SBK2: variants seen among roughly 807,000 people sequenced by gnomAD.
SBK2 encodes the protein SH3 domain binding kinase family member 2.
Under a neutral mutation model 15.9 loss-of-function variants are expected in SBK2, and 18 were observed. The ratio of observed to expected loss-of-function variants is 1.13; its 90% CI spans 0.78 to 1.68. The LOEUF (loss-of-function observed/expected upper bound fraction) is 1.68. SBK2 is among the 40% of genes most tolerant of loss of function. The pLI, the probability that SBK2 is intolerant of heterozygous loss-of-function variation, is 0.00. For missense variants in SBK2, 581 were observed against 510.9 expected (o/e 1.14, Z -1.32); for synonymous variants, 284 against 246.8 (o/e 1.15, Z -1.41).
In SBK2 at chr19:55,536,263, G is replaced by A. The variant is rs757259487; in HGVS notation, c.32C>T (p.Ala11Val). The change falls in exon 2 of 4, where the codon GCG (alanine) becomes GTG (valine). Residue 11 changes from alanine to valine, a missense_variant. Physicochemically the swap from Ala to Val is moderately conservative, Grantham distance 64 (BLOSUM62 0). Transcript: ENST00000413299. Reference protein sequence around the residue: MPGKQSEEGPAEAGASEDSEE... With the variant: MPGKQSEEGPVEAGASEDSEE... ...GCTGTCCTCCGAAGCCCCTGCCTCC[G>A]CCGGCCCTTCCTCAGACTGTTTGCC... is the stretch of plus-strand genomic sequence containing the variant. The A allele has an allele frequency of 6.3e-6, 10 of 1,594,426 alleles. No individual in the cohort carries two copies. Among genetic ancestry groups the A allele is most frequent in the African/African-American group, 4.0e-5 (3 of 74,332 alleles).
chr19:55,536,126 C>A lies in SBK2; in HGVS notation c.169G>T (p.Glu57Ter). ...ACTTCCTCGTAGAGCTCGTCCACCTCGGCTCGGACCAGGGTCTGAGCACTC... is the reference window on the plus strand; with the variant it reads ...ACTTCCTCGTAGAGCTCGTCCACCTAGGCTCGGACCAGGGTCTGAGCACTC... Reference protein sequence around the residue: ...TLSAQTLVRAEVDELYEEVRP... With the variant: ...TLSAQTLVRA The change falls in exon 2 of 4, where the codon GAG becomes TAG. Residue 57 changes from glutamate (E) to a stop codon, truncating the protein, a stop_gained. Coordinates refer to ENST00000413299, the MANE Select transcript of SBK2 (RefSeq NM_001370096.2). LOFTEE classifies it high-confidence loss of function. 6.4e-7 allele frequency: 1 copy of A among 1,563,336 alleles called. No homozygotes were observed. Among genetic ancestry groups the A allele is most frequent in the Non-Finnish European group, 8.7e-7 (1 of 1,153,074 alleles).
intron 2 of SBK2, among the ~76,000 whole-genome samples, 173 bp from the exon 3 acceptor site, chr19:55,531,518 G>T (rs1359531969): frequency 6.6e-6 from 1 of 152,150 alleles, no homozygotes; most frequent in Non-Finnish European, 1.5e-5. Flanking sequence ...TAACAGCATG[G>T]CCACCCAAGC....
At chr19:55,532,680 A>C (rs890066990) in intron 2 of SBK2, among the ~76,000 whole-genome samples, 4 of 148,246 alleles carry the variant, frequency 2.7e-5, no homozygotes, top group East Asian at 2.0e-4. Context: ...GGCTCACTGC[A>C]ACCTCCGCCT....
intron 2 of SBK2, among the ~76,000 whole-genome samples, chr19:55,534,475 G>A (rs528046178): frequency 4.2e-4 from 64 of 152,062 alleles, no homozygotes; most frequent in African/African-American, 1.5e-3. Context: ...TTGGGAGGCT[G>A]AGGCAGGAGG....
At chr19:55,533,467 G>A (rs1309596126) in intron 2 of SBK2, among the ~76,000 whole-genome samples, 1 of 151,550 alleles carries the variant, frequency 6.6e-6, no homozygotes, top group Non-Finnish European at 1.5e-5. Context: ...GGCCAAAATG[G>A]TGAAATCCCA....
intron 2 of SBK2, among the ~76,000 whole-genome samples, chr19:55,534,598 T>A (rs898849926): frequency 2.0e-5 from 3 of 148,908 alleles, no homozygotes; most frequent in African/African-American, 7.5e-5. Flanking sequence ...TCTCAGCTAC[T>A]TGCAGAGCTG....
Position 55,529,994 on chromosome 19 carries a change from G to A in SBK2, c.786C>T (p.Pro262=). ...CGGCCTCGGCCAGGGGCCGGTCCCA[G>A]GGGAAGTAGCCCGTGAGGAGGCAGA... ...LLFCLLTGYF[P]WDRPLAEADP... Residue 262 remains proline, a synonymous_variant, in exon 4 of 4, where the codon CCC becomes CCT. Coordinates refer to ENST00000413299, the MANE Select transcript of SBK2 (RefSeq NM_001370096.2). The A allele has an allele frequency of 1.3e-6, 2 of 1,525,350 alleles. No individual in the cohort carries two copies. The highest frequency in any genetic ancestry group is 1.8e-6 in the Non-Finnish European group (2 of 1,138,494). 94.5% of individuals were successfully genotyped at this position (1,525,350 alleles called of 1,614,324 possible).
chr19:55,534,680 C>CTGGA (rs1287143909), intron 2 of SBK2, among the ~76,000 whole-genome samples: 1 of 123,254 alleles, frequency 8.1e-6, no homozygotes, highest in Non-Finnish European at 1.6e-5. Flanking sequence ...GCACTCCAGC[C>CTGGA]TGGACAACAG....
rs1328415916 is a variant in SBK2 at position 55,529,126 on chromosome 19, G to T, written c.*607C>A. ...AAGTTAAAAATTAGCCTAGCGTGGTGGCGCATGCCTGTAGTCCCAGCTACT... is the reference window on the plus strand; with the variant it reads ...AAGTTAAAAATTAGCCTAGCGTGGTTGCGCATGCCTGTAGTCCCAGCTACT... On this transcript the variant is annotated 3_prime_UTR_variant, in exon 4 of 4. Transcript: ENST00000413299. Among the ~76,000 whole-genome samples the T allele has an allele frequency of 6.6e-6, 1 of 152,172 alleles. No homozygotes were observed. The highest frequency in any genetic ancestry group is 2.4e-5 in the African/African-American group (1 of 41,432).
At position 55,535,997 on chromosome 19, in the gene SBK2, C is replaced by T. The variant is rs372973559; in HGVS notation, c.253+45G>A. On this transcript the variant is annotated intron_variant, in intron 2 of 3. Coordinates refer to ENST00000413299, the MANE Select transcript of SBK2 (RefSeq NM_001370096.2). ...CCTGGGCTACCCCAGGCCCGTGCCC[C>T]GCCCCCAGCTGAACCCTGCCACCTC... is the stretch of plus-strand genomic sequence containing the variant. 4.4e-5 allele frequency: 63 copies of T among 1,421,330 alleles called. No individual in the cohort carries two copies. The Middle Eastern group carries it at 5.7e-4, about 13-fold the overall frequency. The allele number at this position is 1,421,330 out of a possible 1,614,324, so 88.0% of individuals were successfully genotyped here.
In SBK2 at chr19:55,530,309, C is replaced by T; in HGVS notation, c.471G>A (p.Gln157=). ...AFIQPKVGLP[Q]PAVHRCAAQL... Reference sequence around the variant, plus strand: ...GGGCGGCGCAGCGGTGCACCGCGGGCTGCGGGAGGCCCACCTGCGGGGAGA... The same window carrying T: ...GGGCGGCGCAGCGGTGCACCGCGGGTTGCGGGAGGCCCACCTGCGGGGAGA... The change falls in exon 4 of 4, where the codon CAG becomes CAA. Residue 157 remains glutamine, a synonymous_variant. Coordinates refer to ENST00000413299, the MANE Select transcript of SBK2 (RefSeq NM_001370096.2). 7.1e-7 allele frequency: 1 copy of T among 1,411,918 alleles called. No individual in the cohort carries two copies. Among genetic ancestry groups the T allele is most frequent in the Non-Finnish European group, 9.2e-7 (1 of 1,083,814 alleles). The allele number at this position is 1,411,918 out of a possible 1,614,324, so 87.5% of individuals were successfully genotyped here. A position where few individuals can be genotyped will look rare whatever the true frequency, so the allele number is the denominator to read the frequency against.
Position 55,536,067 on chromosome 19 carries a change from G to C in SBK2, c.228C>G (p.Val76=). 1 of 1,495,010 alleles carries C rather than the reference G, an allele frequency of 6.7e-7. No homozygotes were observed. The highest frequency in any genetic ancestry group is 9.0e-7 in the Non-Finnish European group (1 of 1,115,466). The allele number at this position is 1,495,010 out of a possible 1,614,324, so 92.6% of individuals were successfully genotyped here. A position where few individuals can be genotyped will look rare whatever the true frequency, so the allele number is the denominator to read the frequency against. Residue 76 remains valine (V), a synonymous_variant, in exon 2 of 4, where the codon GTC becomes GTG. Transcript: ENST00000413299. ...RPLGQGCYGR[V]LLVTHRQKGT... is the part of the protein sequence containing the mutation. ...CTTTCTGACGATGGGTGACCAGAAG[G>C]ACGCGGCCATAGCAACCCTGGCCCA...
Position 55,530,264 on chromosome 19 carries a change from C to G in SBK2, c.516G>C (p.Glu172Asp). The G allele has an allele frequency of 1.3e-6, 2 of 1,491,598 alleles. No homozygotes were observed. The highest frequency in any genetic ancestry group is 2.6e-5 in the South Asian group (2 of 76,852). The allele number at this position is 1,491,598 out of a possible 1,614,324, so 92.4% of individuals were successfully genotyped here. ...ACACCAGGCCGCGGGCGTGGATGTA[C>G]TCCAGGGCGGAGGCCAGCTGGGCGG... ...RCAAQLASAL[E>D]YIHARGLVYR... is the part of the protein sequence containing the mutation. The change falls in exon 4 of 4, where the codon GAG becomes GAC. Residue 172 changes from glutamate (E) to aspartate (D), a missense_variant. Coordinates refer to ENST00000413299, the MANE Select transcript of SBK2 (RefSeq NM_001370096.2).
chr19:55,529,874 C>G lies in SBK2; in HGVS notation c.906G>C (p.Ala302=), dbSNP rs776498314. 1.3e-6 allele frequency: 2 copies of G among 1,592,318 alleles called. No individual in the cohort carries two copies. Among genetic ancestry groups the G allele is most frequent in the East Asian group, 4.5e-5 (2 of 44,224 alleles). ...PWFGLAAAAD[A]LLRGLLDPHP... ...GAGGGTCCAGCAGCCCCCGCAGAAG[C>G]GCGTCGGCCGCGGCGGCCAGGCCGA... The change falls in exon 4 of 4, where the codon GCG becomes GCC. Residue 302 remains alanine, a synonymous_variant. Transcript: ENST00000413299.
In SBK2 at chr19:55,530,296, G is replaced by C. The variant is rs115705351; in HGVS notation, c.484C>G (p.Arg162Gly). The C allele has an allele frequency of 7.6e-4, 1,086 of 1,431,386 alleles. 10 individuals carry two copies. The African/African-American group carries it at 0.015, about 19-fold the overall frequency. The allele number at this position is 1,431,386 out of a possible 1,614,324, so 88.7% of individuals were successfully genotyped here. A position where few individuals can be genotyped will look rare whatever the true frequency, so the allele number is the denominator to read the frequency against. ...KVGLPQPAVH[R>G]CAAQLASALE... Reference sequence around the variant, plus strand: ...GCGGAGGCCAGCTGGGCGGCGCAGCGGTGCACCGCGGGCTGCGGGAGGCCC... The same window carrying C: ...GCGGAGGCCAGCTGGGCGGCGCAGCCGTGCACCGCGGGCTGCGGGAGGCCC... The change falls in exon 4 of 4, where the codon CGC becomes GGC. Residue 162 changes from arginine to glycine, a missense_variant. Coordinates refer to ENST00000413299, the MANE Select transcript of SBK2 (RefSeq NM_001370096.2).
chr19:55,533,835 C>T (rs1389794758), intron 2 of SBK2, among the ~76,000 whole-genome samples: 1 of 152,050 alleles, frequency 6.6e-6, no homozygotes, highest in Non-Finnish European at 1.5e-5. Context: ...TTGGCGATCC[C>T]TGCCCATCTA....
chr19:55,535,991 G>C, intron 2 of SBK2, 51 bp downstream of exon 2: 1 of 1,411,714 alleles, frequency 7.1e-7, no homozygotes, highest in Non-Finnish European at 9.3e-7. Flanking sequence ...CCCCAGGCCC[G>C]TGCCCCGCCC....
chr19:55,535,564 G>A (rs773902679), intron 2 of SBK2, among the ~76,000 whole-genome samples: 2 of 152,166 alleles, frequency 1.3e-5, no homozygotes, highest in African/African-American at 4.8e-5. Context: ...GAGGGCAAGG[G>A]AGTTCCTCAA....
At chr19:55,532,771 C>T (rs1826213017) in intron 2 of SBK2, among the ~76,000 whole-genome samples, 1 of 152,150 alleles carries the variant, frequency 6.6e-6, no homozygotes, top group African/African-American at 2.4e-5. Context: ...GCTAATTGCA[C>T]ACCAAGCTGA....
Sources: gnomAD v4.1 joint callset for allele counts (sites outside exome capture counted in the v4.1 genomes callset) on GRCh38, gnomAD v4.1.1 for gene constraint, MANE v1.5 for transcripts, NCBI Gene and HGNC (gene_info 2026-07-23, HGNC 2026-07-21) for gene names.